ZNF385D: variants seen among roughly 807,000 people sequenced by gnomAD.
The protein encoded by ZNF385D is zinc finger protein 659.
In ZNF385D, 15 loss-of-function variants were observed where a neutral mutation model predicts 35.8. The observed-to-expected ratio is 0.42, with a 90% confidence interval of 0.28 to 0.64. The LOEUF (loss-of-function observed/expected upper bound fraction) is 0.64. Ranked by LOEUF, ZNF385D falls within the 30% of genes least tolerant of loss-of-function variation. ZNF385D has a pLI of 0.23. For synonymous variants in ZNF385D, 212 were observed against 186.8 expected, an observed-to-expected ratio of 1.13 and a Z score of -1.10; for missense variants, 474 against 494.6, an observed-to-expected ratio of 0.96 and a Z score of 0.39.
At chr3:21,664,124 A>AC (rs2066329470) in intron 2 of ZNF385D, among the ~76,000 whole-genome samples, 1 of 150,478 alleles carries the variant, frequency 6.6e-6, no homozygotes. Context: ...AAAAAAAAAA[A>AC]GTCACTTACT....
At chr3:22,191,576 G>A (rs1367646628) in intron 2 of ZNF385D, among the ~76,000 whole-genome samples, 4 of 151,714 alleles carry the variant, frequency 2.6e-5, no homozygotes, top group Non-Finnish European at 5.9e-5. Context: ...GTTAATTCTA[G>A]GTGTAGAATA....
intron 3 of ZNF385D, among the ~76,000 whole-genome samples, chr3:21,814,722 A>G (rs1165667934): frequency 6.6e-6 from 1 of 152,224 alleles, no homozygotes; most frequent in African/African-American, 2.4e-5. Context: ...AGACTCCCAC[A>G]AAATAATAAT....
Position 22,119,521 on chromosome 3 carries a change from A to G in ZNF385D, c.325+49296T>C, listed in dbSNP as rs149981331. 3.8e-3 allele frequency among the ~76,000 whole-genome samples: 572 copies of G among 152,178 alleles called. 8 individuals are homozygous for G. Among genetic ancestry groups the G allele is most frequent in the Non-Finnish European group, 5.7e-3 (388 of 68,004 alleles). ...TATTGCTCTATCCTCTACTTTTTCA[A>G]CTGGTTTTGATTCCATAATGGCCTT... On this transcript the variant is annotated intron_variant, in intron 3 of 5. Coordinates refer to the ZNF385D transcript ENST00000494108.
In ZNF385D at chr3:22,335,924, A is replaced by G. The variant is rs1389668; in HGVS notation, c.106+36526T>C. 7.4e-3 allele frequency among the ~76,000 whole-genome samples: 1,122 copies of G among 152,282 alleles called. 15 individuals are homozygous for G. The highest frequency in any genetic ancestry group is 0.025 in the African/African-American group (1,038 of 41,568). ...GGTGTTTAGTATAAAGTATAGCTTTAGGAGAATTTATATTTTTATTTTGGG... is the reference window on the plus strand; with the variant it reads ...GGTGTTTAGTATAAAGTATAGCTTTGGGAGAATTTATATTTTTATTTTGGG... On this transcript the variant is annotated intron_variant, in intron 2 of 5. Transcript: ENST00000494108.
At chr3:22,127,382 C>A (rs1386882034) in intron 3 of ZNF385D, among the ~76,000 whole-genome samples, 3 of 115,038 alleles carry the variant, frequency 2.6e-5, no homozygotes, top group African/African-American at 1.0e-4. Context: ...CTCTGTCACC[C>A]AGGCTGGAAT....
intron 4 of ZNF385D, among the ~76,000 whole-genome samples, chr3:21,470,768 G>T (rs1173171252): frequency 6.6e-6 from 1 of 151,994 alleles, no homozygotes; most frequent in Non-Finnish European, 1.5e-5. Flanking sequence ...CATATATTTT[G>T]AGTTTTGACA....
chr3:21,730,494 T>G (rs10510518), intron 1 of ZNF385D, among the ~76,000 whole-genome samples: 25,384 of 152,180 alleles, frequency 0.17, 2,592 homozygotes, highest in Admixed American at 0.3. Flanking sequence ...TAACTAACCC[T>G]TGATGAGAAA....
intron 3 of ZNF385D, among the ~76,000 whole-genome samples, chr3:22,037,744 T>C (rs1324372565): frequency 2.0e-5 from 3 of 152,162 alleles, no homozygotes; most frequent in Non-Finnish European, 4.4e-5. Flanking sequence ...TGGCTTTTGT[T>C]GTCATTGCTT....
At chr3:21,585,073 C>T (rs1025370800) in intron 2 of ZNF385D, among the ~76,000 whole-genome samples, 1 of 151,800 alleles carries the variant, frequency 6.6e-6, no homozygotes, top group Non-Finnish European at 1.5e-5. Flanking sequence ...TGAAATATAA[C>T]GAGAGTTATT....
At chr3:21,939,893 C>T (rs1009797533) in intron 3 of ZNF385D, among the ~76,000 whole-genome samples, 5 of 152,068 alleles carry the variant, frequency 3.3e-5, no homozygotes, top group Non-Finnish European at 7.4e-5. Flanking sequence ...ACTGAGTAAA[C>T]TCATTTGGCA....
intron 3 of ZNF385D, among the ~76,000 whole-genome samples, chr3:21,537,768 A>G (rs2062071545): frequency 6.6e-6 from 1 of 152,108 alleles, no homozygotes; most frequent in Admixed American, 6.5e-5. Context: ...CATGTTTCAT[A>G]GAGCTGCGTG....
chr3:21,544,459 A>T (rs976324907), intron 3 of ZNF385D, among the ~76,000 whole-genome samples: 1 of 152,178 alleles, frequency 6.6e-6, no homozygotes. Context: ...GTGAAAGGTT[A>T]TAAGAAGGTG....
intron 3 of ZNF385D, among the ~76,000 whole-genome samples, chr3:21,997,353 G>A (rs546807845): frequency 6.6e-6 from 1 of 152,126 alleles, no homozygotes; most frequent in Non-Finnish European, 1.5e-5. Context: ...CTGTCGTGTG[G>A]TGGGGGGATT....
intron 3 of ZNF385D, among the ~76,000 whole-genome samples, chr3:21,924,403 G>T (rs1045047950): frequency 6.6e-6 from 1 of 152,086 alleles, no homozygotes; most frequent in African/African-American, 2.4e-5. Context: ...GATGAAAAAA[G>T]CCCTAACAAA....
intron 4 of ZNF385D, among the ~76,000 whole-genome samples, chr3:21,507,453 A>G (rs1316529388): frequency 6.6e-6 from 1 of 152,204 alleles, no homozygotes; most frequent in African/African-American, 2.4e-5. Context: ...TCTTTTATAT[A>G]TGGACAAGCC....
At chr3:21,468,795 G>T (rs993392059) in intron 4 of ZNF385D, among the ~76,000 whole-genome samples, 1 of 151,946 alleles carries the variant, frequency 6.6e-6, no homozygotes, top group East Asian at 1.9e-4. Context: ...GTAGTGGTGC[G>T]CCCATAGTCT....
chr3:22,351,515 T>C (rs1044168152), intron 2 of ZNF385D, among the ~76,000 whole-genome samples: 5 of 152,120 alleles, frequency 3.3e-5, no homozygotes, highest in African/African-American at 1.2e-4. Context: ...ATACTAGCAT[T>C]CCAAAAATCT....
rs1312522498 is a variant in ZNF385D, at chr3:22,037,329, C to G, written c.325+131488G>C. Among the ~76,000 whole-genome samples the G allele has an allele frequency of 1.5e-3, 224 of 148,900 alleles. 1 individual carries two copies. Among genetic ancestry groups the G allele is most frequent in the Non-Finnish European group, 2.5e-3 (167 of 66,958 alleles). On this transcript the variant is annotated intron_variant, in intron 3 of 5. Transcript: ENST00000494108. Reference sequence around the variant, plus strand: ...TTGAACTAGTTTACAGTCCCACCAACAGTGTAAAAGTGTTCCTATTTCTCC... The same window carrying G: ...TTGAACTAGTTTACAGTCCCACCAAGAGTGTAAAAGTGTTCCTATTTCTCC...
chr3:22,281,077 A>G (rs755072372), intron 2 of ZNF385D, among the ~76,000 whole-genome samples: 1 of 152,050 alleles, frequency 6.6e-6, no homozygotes, highest in Non-Finnish European at 1.5e-5. Flanking sequence ...ATTTCTGTAC[A>G]TTCATTTTGT....
Sources: gnomAD v4.1 joint callset for allele counts (sites outside exome capture counted in the v4.1 genomes callset) on GRCh38, gnomAD v4.1.1 for gene constraint, MANE v1.5 for transcripts, NCBI Gene and HGNC (gene_info 2026-07-23, HGNC 2026-07-21) for gene names.